The following ARMC3 variants were observed in gnomAD, a reference collection of about 807,000 sequenced individuals.
The protein encoded by ARMC3 is armadillo repeat-containing protein 3.
Under a neutral mutation model 90.3 loss-of-function variants are expected in ARMC3, and 74 were observed. The observed-to-expected ratio is 0.82, with a 90% CI of 0.68 to 0.99. The LOEUF (loss-of-function observed/expected upper bound fraction) is 0.99, where lower values mean the gene tolerates loss of function less well. Among genes scored for constraint, ARMC3 ranks in the 50% least tolerant of loss-of-function variants. ARMC3 has a pLI of 0.00. For synonymous variants in ARMC3, 334 were observed against 361.8 expected, an observed-to-expected ratio of 0.92 and a Z score of 0.87; for missense variants, 958 against 1,042.8, an observed-to-expected ratio of 0.92 and a Z score of 1.12.
chr10:22,931,607 A>C (rs1833934010), intron 1 of ARMC3, among the ~76,000 whole-genome samples: 3 of 152,192 alleles, frequency 2.0e-5, no homozygotes, highest in African/African-American at 7.2e-5. Flanking sequence ...AAATAGACAA[A>C]AACCTCTGCC....
At chr10:23,013,668 G>A (rs7087200) in intron 16 of ARMC3, among the ~76,000 whole-genome samples, 38,808 of 152,016 alleles carry the variant, frequency 0.26, 5,783 homozygotes, top group African/African-American at 0.41. Flanking sequence ...GTACAATACA[G>A]TGTTATTAAA....
chr10:22,992,923 C>T (rs1016504764), intron 10 of ARMC3, among the ~76,000 whole-genome samples: 6 of 152,192 alleles, frequency 3.9e-5, no homozygotes, highest in Non-Finnish European at 7.3e-5. Context: ...GTTGCTGCTG[C>T]GTACACACCG....
chr10:22,946,969 T>C (rs7079839), intron 3 of ARMC3, among the ~76,000 whole-genome samples: 47 of 152,132 alleles, frequency 3.1e-4, no homozygotes, highest in African/African-American at 1.1e-3. Flanking sequence ...AGACCAGCCT[T>C]GGCAATGTGG....
chr10:23,015,388 T>C (rs1838229038), intron 16 of ARMC3, among the ~76,000 whole-genome samples: 1 of 152,232 alleles, frequency 6.6e-6, no homozygotes, highest in African/African-American at 2.4e-5. Flanking sequence ...ACATTTCTTC[T>C]AAAGCTTTTC....
chr10:22,978,440 T>C (rs1227233246), intron 8 of ARMC3, among the ~76,000 whole-genome samples: 1 of 152,156 alleles, frequency 6.6e-6, no homozygotes, highest in African/African-American at 2.4e-5. Context: ...AAACTGGCCT[T>C]GTGATTCAAT....
At position 23,006,998 on chromosome 10, in the gene ARMC3, A is replaced by G; in HGVS notation, c.1829+17A>G. 1 of 1,570,298 alleles carries G rather than the reference A, an allele frequency of 6.4e-7. No individual in the cohort carries two copies. On this transcript the variant is annotated intron_variant, in intron 14 of 18. Coordinates refer to ENST00000298032, the MANE Select transcript of ARMC3 (RefSeq NM_173081.5). ...ATCTTACGTGTGAGTCTCTGCAGGG[A>G]GAGGGGATGAAGGGAAGCACATACT... is the stretch of plus-strand genomic sequence containing the variant.
rs752040975 is a variant in ARMC3 at position 23,032,971 on chromosome 10, C to T, written c.2357C>T (p.Pro786Leu). Residue 786 changes from proline (P) to leucine (L), a missense_variant, in exon 18 of 19, where the codon CCG becomes CTG. Transcript: ENST00000298032. ...TTTCAACTTAAATCCAATGTTATAC[C>T]GATTGGACATGTCAAAAAAGGAATC... ...LKFQLKSNVI[P>L]IGHVKKGIFY... is the part of the protein sequence containing the mutation. 2.2e-5 allele frequency: 35 copies of T among 1,612,696 alleles called. No homozygotes were observed. The highest frequency in any genetic ancestry group is 3.3e-4 in the Middle Eastern group (2 of 6,068).
intron 3 of ARMC3, among the ~76,000 whole-genome samples, chr10:22,950,059 G>A (rs898616639): frequency 6.6e-6 from 1 of 150,510 alleles, no homozygotes; most frequent in East Asian, 1.9e-4. Context: ...CAAAAACGTA[G>A]GTGAAATAAT....
chr10:23,002,532 A>C (rs77405652), intron 12 of ARMC3, among the ~76,000 whole-genome samples: 243 of 151,844 alleles, frequency 1.6e-3, no homozygotes, highest in African/African-American at 4.8e-3. Context: ...ATAGGGTTTT[A>C]AGTTTCATTT....
intron 18 of ARMC3, among the ~76,000 whole-genome samples, chr10:23,035,953 A>G (rs1839110298): frequency 6.6e-6 from 1 of 152,220 alleles, no homozygotes; most frequent in Admixed American, 6.5e-5. Context: ...CTCAGTCAGC[A>G]GCAGTTATTA....
intron 1 of ARMC3, among the ~76,000 whole-genome samples, chr10:22,931,076 G>C (rs1004954846): frequency 6.6e-6 from 1 of 152,054 alleles, no homozygotes; most frequent in Non-Finnish European, 1.5e-5. Context: ...TACAAGGCAC[G>C]TGCCACCACA....
chr10:23,036,858 T>C (rs1410560413), intron 18 of ARMC3, among the ~76,000 whole-genome samples: 2 of 151,984 alleles, frequency 1.3e-5, no homozygotes, highest in Non-Finnish European at 2.9e-5. Context: ...CAGAATAGTT[T>C]AGCTGGAAAG....
At chr10:23,017,850 G>C (rs1838344272) in intron 16 of ARMC3, among the ~76,000 whole-genome samples, 1 of 152,178 alleles carries the variant, frequency 6.6e-6, no homozygotes, top group Non-Finnish European at 1.5e-5. Flanking sequence ...TTGACCCTCT[G>C]ACACATTTGT....
chr10:23,028,557 G>A (rs192223594), intron 16 of ARMC3, among the ~76,000 whole-genome samples: 108 of 152,142 alleles, frequency 7.1e-4, no homozygotes, highest in African/African-American at 2.6e-3. Flanking sequence ...CTTATTTATG[G>A]GTTTTATTTA....
Position 23,002,006 on chromosome 10 carries a change from A to T in ARMC3, c.1513A>T (p.Met505Leu). The change falls in exon 12 of 19, where the codon ATG (methionine) becomes TTG (leucine). Residue 505 changes from methionine to leucine, a missense_variant. Met to Leu is a conservative substitution (Grantham distance 15). Coordinates refer to ENST00000298032, the MANE Select transcript of ARMC3 (RefSeq NM_173081.5). ...GAGGAAGCACGCCAGTTGGGCAGTGATGGTCTGTGCTGGTGACGAGCTGAC... is the reference window on the plus strand; with the variant it reads ...GAGGAAGCACGCCAGTTGGGCAGTGTTGGTCTGTGCTGGTGACGAGCTGAC... ...EVRKHASWAV[M>L]VCAGDELTAN... 2.5e-6 allele frequency: 4 copies of T among 1,613,932 alleles called. No homozygotes were observed. The highest frequency in any genetic ancestry group is 1.1e-5 in the South Asian group (1 of 91,074).
At chr10:22,984,035 G>A (rs1023399946) in intron 10 of ARMC3, among the ~76,000 whole-genome samples, 7 of 152,154 alleles carry the variant, frequency 4.6e-5, no homozygotes, top group African/African-American at 1.7e-4. Context: ...TTATTTTTCT[G>A]TCATACATAA....
chr10:23,008,053 A>G (rs1837711415), intron 14 of ARMC3, among the ~76,000 whole-genome samples: 1 of 152,176 alleles, frequency 6.6e-6, no homozygotes, highest in Non-Finnish European at 1.5e-5. Context: ...GCAGTGAGCC[A>G]TCATCGCACC....
intron 4 of ARMC3, among the ~76,000 whole-genome samples, chr10:22,958,606 G>A (rs1048387670): frequency 2.0e-5 from 3 of 152,094 alleles, no homozygotes; most frequent in African/African-American, 7.2e-5. Context: ...GCCCTACCTA[G>A]GCTTGAAACC....
At chr10:23,028,532 A>G (rs1026679004) in intron 16 of ARMC3, among the ~76,000 whole-genome samples, 2 of 152,204 alleles carry the variant, frequency 1.3e-5, no homozygotes, top group African/African-American at 4.8e-5. Context: ...ATAATAAGTT[A>G]TAAGTCCTAA....
Sources: allele counts gnomAD v4.1 joint callset (sites outside exome capture counted in the v4.1 genomes callset), GRCh38; gene constraint gnomAD v4.1.1; transcripts MANE v1.5; gene names NCBI Gene and HGNC (gene_info 2026-07-23, HGNC 2026-07-21).